Variants in NBEAL1 observed in about 807,000 individuals in gnomAD.
NBEAL1 encodes the protein neurobeachin-like protein 1.
In NBEAL1, 273 loss-of-function variants were observed where a neutral mutation model predicts 351.3. The ratio of observed to expected loss-of-function variants is 0.78; its 90% CI spans 0.70 to 0.86. The LOEUF (loss-of-function observed/expected upper bound fraction) is 0.86. Among genes scored for constraint, NBEAL1 ranks in the 40% least tolerant of loss-of-function variants. NBEAL1 has a pLI of 0.00. For missense variants in NBEAL1, 2,961 were observed against 3,201.3 expected (o/e 0.92, Z 1.81); for synonymous variants, 1,050 against 1,086.4 (o/e 0.97, Z 0.66).
At chr2:203,055,699 A>G (rs1033079107) in intron 4 of NBEAL1, among the ~76,000 whole-genome samples, 2 of 152,210 alleles carry the variant, frequency 1.3e-5, no homozygotes, top group African/African-American at 2.4e-5. Context: ...CAAGATCACA[A>G]TATCTCATAA....
intron 3 of NBEAL1, among the ~76,000 whole-genome samples, chr2:203,043,470 G>C (rs1196027113): frequency 1.3e-5 from 2 of 152,166 alleles, no homozygotes; most frequent in Non-Finnish European, 2.9e-5. Flanking sequence ...GCCGGGTGCA[G>C]TGGCTCACAT....
Position 203,066,859 on chromosome 2 carries a change from G to A in NBEAL1, c.516-1534G>A, listed in dbSNP as rs539587300. On this transcript the variant is annotated intron_variant, in intron 6 of 55. Coordinates refer to ENST00000683969, the MANE Select transcript of NBEAL1 (RefSeq NM_001378026.1). Reference sequence around the variant, plus strand: ...GCGCTCCTCACATCCCAGATGATGGGCGGCCGGGCAGAGGCGCTCCTCACC... The same window carrying A: ...GCGCTCCTCACATCCCAGATGATGGACGGCCGGGCAGAGGCGCTCCTCACC... Among the ~76,000 whole-genome samples the A allele has an allele frequency of 8.3e-3, 1,241 of 149,680 alleles. 11 individuals are homozygous for A. Among genetic ancestry groups the A allele is most frequent in the Middle Eastern group, 0.029 (8 of 278 alleles).
intron 7 of NBEAL1, among the ~76,000 whole-genome samples, chr2:203,071,956 C>T (rs893353340): frequency 6.6e-6 from 1 of 152,150 alleles, no homozygotes; most frequent in Non-Finnish European, 1.5e-5. Context: ...ACCCCCCACC[C>T]CAGGTCTCTG....
At chr2:203,189,540 C>T (rs1246933696) in intron 45 of NBEAL1, among the ~76,000 whole-genome samples, 1 of 151,890 alleles carries the variant, frequency 6.6e-6, no homozygotes, top group African/African-American at 2.4e-5. Context: ...GGCATACCAC[C>T]ACACCCAGCT....
chr2:203,040,440 C>T (rs1268424773), intron 2 of NBEAL1: 8 of 719,870 alleles, frequency 1.1e-5, no homozygotes, highest in Non-Finnish European at 1.8e-5. Flanking sequence ...TAAGACTTCG[C>T]CTGAAGAAAA....
At chr2:203,098,851 A>G (rs1365692982) in intron 11 of NBEAL1, among the ~76,000 whole-genome samples, 1 of 152,230 alleles carries the variant, frequency 6.6e-6, no homozygotes, top group African/African-American at 2.4e-5. Context: ...GCATATGCAC[A>G]TGCCATCTTA....
rs965411495 is a variant in NBEAL1 at position 203,038,596 on chromosome 2, C to A, written c.52-3169C>A. 1.3e-5 allele frequency among the ~76,000 whole-genome samples: 2 copies of A among 148,784 alleles called. 1 individual carries two copies. ...AGATCTTTATGTTTTTCATACAAGTCCCTGAGAATATTTTCAGCCAGTGTG... is the reference window on the plus strand; with the variant it reads ...AGATCTTTATGTTTTTCATACAAGTACCTGAGAATATTTTCAGCCAGTGTG... On this transcript the variant is annotated intron_variant, in intron 2 of 55. Coordinates refer to ENST00000683969, the MANE Select transcript of NBEAL1 (RefSeq NM_001378026.1).
rs1241522948 is a variant in NBEAL1 at position 203,213,605 on chromosome 2, T to C, written c.8022T>C (p.Gly2674=). Residue 2674 remains glycine, a synonymous_variant, in exon 55 of 56, where the codon GGT becomes GGC. Coordinates refer to ENST00000683969, the MANE Select transcript of NBEAL1 (RefSeq NM_001378026.1). ...VTKEYSHILV[G]LEDGKLIVVG... ...AAGAATACAGCCATATTCTTGTAGG[T>C]TTAGAAGATGGCAAATTGATTGTAG... is the stretch of plus-strand genomic sequence containing the variant. 1 of 1,613,890 alleles carries C rather than the reference T, an allele frequency of 6.2e-7. No homozygotes were observed. Among genetic ancestry groups the C allele is most frequent in the Admixed American group, 1.7e-5 (1 of 59,986 alleles).
Position 203,144,721 on chromosome 2 carries a change from A to G in NBEAL1, c.4970A>G (p.Glu1657Gly). 3.1e-6 allele frequency: 5 copies of G among 1,614,156 alleles called. No individual in the cohort carries two copies. Among genetic ancestry groups the G allele is most frequent in the Non-Finnish European group, 4.2e-6 (5 of 1,180,016 alleles). The change falls in exon 32 of 56, where the codon GAA (glutamate) becomes GGA (glycine). Residue 1657 changes from glutamate (E) to glycine (G), a missense_variant. Coordinates refer to ENST00000683969, the MANE Select transcript of NBEAL1 (RefSeq NM_001378026.1). ...CATGTTCTAAGTCAATCAATCAAGG[A>G]ACAGACTGAAATCTACTCATTTCTG... ...LEHVLSQSIK[E>G]QTEIYSFLIP...
At chr2:203,173,548 CT>C (rs2064389246) in intron 41 of NBEAL1, among the ~76,000 whole-genome samples, 1 of 151,444 alleles carries the variant, frequency 6.6e-6, no homozygotes, top group Non-Finnish European at 1.5e-5. Context: ...TTTTTTTCTA[CT>C]TTTTCTTTGC....
chr2:203,159,962 A>G (rs1575062735), intron 36 of NBEAL1, among the ~76,000 whole-genome samples: 1 of 151,204 alleles, frequency 6.6e-6, no homozygotes, highest in Non-Finnish European at 1.5e-5. Context: ...AGTCGTTTCT[A>G]TCTTATTTGC....
At chr2:203,114,310 A>G (rs1465320362) in intron 17 of NBEAL1, among the ~76,000 whole-genome samples, 1 of 152,202 alleles carries the variant, frequency 6.6e-6, no homozygotes, top group East Asian at 1.9e-4. Flanking sequence ...ACAGATTTTA[A>G]TGAATTGATG....
intron 10 of NBEAL1, among the ~76,000 whole-genome samples, chr2:203,088,181 C>G (rs2062002971): frequency 1.3e-5 from 2 of 152,148 alleles, no homozygotes; most frequent in East Asian, 3.8e-4. Context: ...CTCTCCTTTT[C>G]TGTATAACTA....
chr2:203,130,433 T>G lies in NBEAL1; in HGVS notation c.3521T>G (p.Leu1174Ter). 1 of 1,488,074 alleles carries G rather than the reference T, an allele frequency of 6.7e-7. No individual in the cohort carries two copies. Among genetic ancestry groups the G allele is most frequent in the East Asian group, 2.7e-5 (1 of 37,174 alleles). 92.2% of individuals were successfully genotyped at this position (1,488,074 alleles called of 1,614,324 possible). A position where few individuals can be genotyped will look rare whatever the true frequency, so the allele number is the denominator to read the frequency against. ...GNADILYALL[L>*]NQKYSDRLRE... ...GCTGACATACTGTACGCATTGCTCT[T>G]AAATCAGAAGTACTCTGACAGACTA... The change falls in exon 25 of 56, where the codon TTA becomes TGA. Residue 1174 changes from leucine to a stop codon, truncating the protein, a stop_gained. Coordinates refer to ENST00000683969, the MANE Select transcript of NBEAL1 (RefSeq NM_001378026.1). LOFTEE classifies it high-confidence loss of function.
chr2:203,101,461 A>C (rs1644185315), intron 12 of NBEAL1, among the ~76,000 whole-genome samples: 1 of 152,114 alleles, frequency 6.6e-6, no homozygotes, highest in Non-Finnish European at 1.5e-5. Context: ...CTTTTTGTCT[A>C]GGATTGCCTT....
chr2:203,209,338 T>C lies in NBEAL1; in HGVS notation c.7785+16T>C. 1 of 1,602,286 alleles carries C rather than the reference T, an allele frequency of 6.2e-7. No individual in the cohort carries two copies. Among genetic ancestry groups the C allele is most frequent in the Non-Finnish European group, 8.5e-7 (1 of 1,170,184 alleles). On this transcript the variant is annotated intron_variant, in intron 53 of 55. Coordinates refer to ENST00000683969, the MANE Select transcript of NBEAL1 (RefSeq NM_001378026.1). Reference sequence around the variant, plus strand: ...CACCCTCAAGGTATATGACCTTTCATGCAATAGAGGTAGACTCCCAATAGC... The same window carrying C: ...CACCCTCAAGGTATATGACCTTTCACGCAATAGAGGTAGACTCCCAATAGC...
intron 7 of NBEAL1, among the ~76,000 whole-genome samples, chr2:203,076,208 C>T (rs1213865648): frequency 6.6e-6 from 1 of 152,060 alleles, no homozygotes; most frequent in East Asian, 1.9e-4. Flanking sequence ...CCAGGCTTGA[C>T]GCAGTGGCTC....
intron 14 of NBEAL1, 142 bp downstream of exon 14, chr2:203,108,330 A>G (rs1475016610): frequency 4.8e-6 from 3 of 626,914 alleles, no homozygotes; most frequent in Non-Finnish European, 8.0e-6. Context: ...GGCTTTATAC[A>G]GTTTAATTAT....
intron 18 of NBEAL1, among the ~76,000 whole-genome samples, chr2:203,119,512 G>A (rs564050675): frequency 7.6e-5 from 10 of 130,956 alleles, no homozygotes; most frequent in East Asian, 2.4e-4. Context: ...TGCAACCTCC[G>A]CTTCCTGGGT....
Sources: allele counts gnomAD v4.1 joint callset (sites outside exome capture counted in the v4.1 genomes callset), GRCh38; gene constraint gnomAD v4.1.1; transcripts MANE v1.5; gene names NCBI Gene and HGNC (gene_info 2026-07-23, HGNC 2026-07-21).